TMEM71: variants seen among roughly 807,000 people sequenced by gnomAD.
The protein encoded by TMEM71 is transmembrane protein 71.
In TMEM71, 44 loss-of-function variants were observed where a neutral mutation model predicts 38.0. The observed-to-expected ratio is 1.16, with a 90% CI of 0.91 to 1.49. The LOEUF is 1.49. Ranked by LOEUF, TMEM71 falls within the 40% of genes most tolerant of loss-of-function variation. The pLI is 0.00. For synonymous variants in TMEM71, 133 were observed against 122.5 expected (o/e 1.09, Z -0.56); for missense variants, 367 against 348.6 (o/e 1.05, Z -0.42).
chr8:132,763,515 G>A (rs573170182), upstream of TMEM71, among the ~76,000 whole-genome samples: 274 of 152,324 alleles, frequency 1.8e-3, 1 homozygote, highest in Non-Finnish European at 3.1e-3. Context: ...GAGGTGATGC[G>A]TGTGGATGGG....
intron 4 of TMEM71, among the ~76,000 whole-genome samples, chr8:132,749,746 T>C (rs2131170173): frequency 6.6e-6 from 1 of 152,260 alleles, no homozygotes; most frequent in East Asian, 1.9e-4. Flanking sequence ...CCCGGCACAG[T>C]GGCTCACACC....
intron 5 of TMEM71, among the ~76,000 whole-genome samples, chr8:132,730,466 A>G (rs959474439): frequency 4.6e-5 from 7 of 152,144 alleles, no homozygotes; most frequent in East Asian, 1.9e-4. Flanking sequence ...ATAATCTCCT[A>G]TGGGTAAGGA....
chr8:132,765,403 G>A (rs1586811345), upstream of TMEM71, among the ~76,000 whole-genome samples: 1 of 152,302 alleles, frequency 6.6e-6, no homozygotes, highest in East Asian at 1.9e-4. Context: ...TCCTAGTAGA[G>A]GAGAGGGTGT....
At chr8:132,728,064 A>C in intron 5 of TMEM71, 78 bp from the exon 6 acceptor site, 1 of 1,104,396 alleles carries the variant, frequency 9.1e-7, no homozygotes, top group Non-Finnish European at 1.3e-6. Flanking sequence ...TGACTGCTCA[A>C]TGCACAGTTA....
intron 5 of TMEM71, among the ~76,000 whole-genome samples, chr8:132,738,486 AT>A (rs1827864245): frequency 6.6e-6 from 1 of 151,912 alleles, no homozygotes; most frequent in Non-Finnish European, 1.5e-5. Context: ...CTTCCTTAGG[AT>A]ACTGGTTGAT....
upstream of TMEM71, among the ~76,000 whole-genome samples, chr8:132,761,255 A>G (rs1421475237): frequency 2.6e-5 from 4 of 152,106 alleles, no homozygotes; most frequent in Non-Finnish European, 5.9e-5. Flanking sequence ...TGGGGTCACA[A>G]GACAGAAATT....
chr8:132,711,797 CCTAAT>C (rs1353348602), intron 9 of TMEM71, among the ~76,000 whole-genome samples: 1 of 152,028 alleles, frequency 6.6e-6, no homozygotes, highest in Non-Finnish European at 1.5e-5. Flanking sequence ...TAAAGAGGCA[CCTAAT>C]CTAATCTAAC....
chr8:132,734,078 G>A (rs538995620), intron 5 of TMEM71, among the ~76,000 whole-genome samples: 1 of 152,140 alleles, frequency 6.6e-6, no homozygotes, highest in East Asian at 1.9e-4. Flanking sequence ...GAGTTATAGA[G>A]ATCTGCTCTA....
chr8:132,709,651 G>A (rs1826146578), downstream of TMEM71, among the ~76,000 whole-genome samples: 1 of 152,074 alleles, frequency 6.6e-6, no homozygotes, highest in Non-Finnish European at 1.5e-5. Flanking sequence ...TGGAGGTGGA[G>A]GAGGGGGCCA....
At chr8:132,715,162 T>C (rs1236324636) in intron 7 of TMEM71, among the ~76,000 whole-genome samples, 1 of 151,974 alleles carries the variant, frequency 6.6e-6, no homozygotes, top group African/African-American at 2.4e-5. Flanking sequence ...ATCCCAGCAC[T>C]TTGGGAGGCC....
intron 3 of TMEM71, among the ~76,000 whole-genome samples, chr8:132,755,289 G>T (rs921956570): frequency 1.3e-5 from 2 of 152,052 alleles, no homozygotes; most frequent in African/African-American, 4.8e-5. Flanking sequence ...CCAACACCTG[G>T]ATCATAGTTT....
the TMEM71 span, among the ~76,000 whole-genome samples, chr8:132,765,777 C>CTAT: frequency 0.03 from 4,544 of 150,138 alleles, 192 homozygotes; most frequent in African/African-American, 0.098. Context: ...ATTATTATTA[C>CTAT]TATTATTATT....
rs934701764 is a variant in TMEM71 at position 132,739,968 on chromosome 8, G to A, written c.487+6974C>T. 2.0e-5 allele frequency among the ~76,000 whole-genome samples: 3 copies of A among 152,116 alleles called. 1 individual carries two copies. Among genetic ancestry groups the A allele is most frequent in the Middle Eastern group, 6.3e-3 (2 of 316 alleles). ...TGAATCACACCAATAGCCTCTTAAC[G>A]TGTTTCTTGCTTCTGCTCCTAATAG... On this transcript the variant is annotated intron_variant, in intron 5 of 9. Coordinates refer to ENST00000677595, the MANE Select transcript of TMEM71 (RefSeq NM_001382403.1).
chr8:132,718,467 G>A (rs995350286), intron 7 of TMEM71, among the ~76,000 whole-genome samples: 4 of 140,008 alleles, frequency 2.9e-5, no homozygotes, highest in Admixed American at 7.5e-5. Context: ...GCACAATCTC[G>A]GCTCACTGCA....
Position 132,752,420 on chromosome 8 carries a change from C to T in TMEM71, c.102-423G>A, listed in dbSNP as rs75786939. On this transcript the variant is annotated intron_variant, in intron 3 of 9. Transcript: ENST00000677595. ...TATAACTATGTAGCCACCAGAAACA[C>T]GGTGAACATGCAGTCAAAATGATCA... Among the ~76,000 whole-genome samples, 21 of 152,248 alleles carry T rather than the reference C, an allele frequency of 1.4e-4. No homozygotes were observed. In the South Asian group the frequency reaches 1.5e-3, roughly 11 times the overall value.
chr8:132,754,641 C>T (rs1828906558), intron 3 of TMEM71, among the ~76,000 whole-genome samples: 2 of 152,134 alleles, frequency 1.3e-5, no homozygotes, highest in South Asian at 2.1e-4. Context: ...TTTCCATTGC[C>T]TAAGGGTGGT....
At chr8:132,771,244 C>T in the TMEM71 span, among the ~76,000 whole-genome samples, 1 of 152,152 alleles carries the variant, frequency 6.6e-6, no homozygotes, top group Non-Finnish European at 1.5e-5. Context: ...CCAGGATCCA[C>T]CTGTCATTCT....
At chr8:132,730,356 C>T (rs1389399089) in intron 5 of TMEM71, among the ~76,000 whole-genome samples, 1 of 152,164 alleles carries the variant, frequency 6.6e-6, no homozygotes, top group African/African-American at 2.4e-5. Context: ...CATAAAAGCT[C>T]TCTGTGGAAA....
chr8:132,737,959 A>T (rs562136031), intron 5 of TMEM71, among the ~76,000 whole-genome samples: 1 of 152,308 alleles, frequency 6.6e-6, no homozygotes, highest in African/African-American at 2.4e-5. Context: ...TCTATTTCCC[A>T]TAAGATATCT....
Sources: gnomAD v4.1 joint callset for allele counts (sites outside exome capture counted in the v4.1 genomes callset) on GRCh38, gnomAD v4.1.1 for gene constraint, MANE v1.5 for transcripts, NCBI Gene and HGNC (gene_info 2026-07-23, HGNC 2026-07-21) for gene names.